Variants in SON observed in about 807,000 individuals in gnomAD.
The protein encoded by SON is protein SON.
A neutral mutation model predicts 173.3 loss-of-function variants in SON; 4 were observed. The ratio of observed to expected loss-of-function variants is 0.02; its 90% CI spans 0.01 to 0.05. SON has a LOEUF of 0.05. Ranked by LOEUF, SON falls within the 10% of genes least tolerant of loss-of-function variation. The pLI is 1.00. For missense variants in SON, 2,626 were observed against 3,055.3 expected, an observed-to-expected ratio of 0.86 and a Z score of 3.31; for synonymous variants, 1,190 against 1,105.9, an observed-to-expected ratio of 1.08 and a Z score of -1.51.
At position 33,559,478 on chromosome 21, in the gene SON, T is replaced by A; in HGVS notation, c.6468+102T>A. 6.8e-7 allele frequency: 1 copy of A among 1,474,606 alleles called. No individual in the cohort carries two copies. The highest frequency in any genetic ancestry group is 9.2e-7 in the Non-Finnish European group (1 of 1,091,878). The allele number at this position is 1,474,606 out of a possible 1,614,324, so 91.3% of individuals were successfully genotyped here. A position where few individuals can be genotyped will look rare whatever the true frequency, so the allele number is the denominator to read the frequency against. On this transcript the variant is annotated intron_variant, in intron 5 of 11. Transcript: ENST00000356577. The surrounding 1 kb of genome is among the most constrained non-coding windows in gnomAD (Gnocchi z 4.1). Reference sequence around the variant, plus strand: ...GTTTATTAATTTTTGTTTTAAATACTGTGAGAAATAATGGATAATATCATT... The same window carrying A: ...GTTTATTAATTTTTGTTTTAAATACAGTGAGAAATAATGGATAATATCATT...
At chr21:33,569,385 C>G (rs2145874084) in intron 8 of SON, 2 of 354,236 alleles carry the variant, frequency 5.6e-6, no homozygotes, top group Non-Finnish European at 1.1e-5. Context: ...AGGTGCTGTT[C>G]AGAATATTCC....
intron 1 of SON, among the ~76,000 whole-genome samples, chr21:33,543,754 G>A (rs181234151): frequency 1.3e-4 from 20 of 152,376 alleles, no homozygotes; most frequent in Admixed American, 1.2e-3. Context: ...AACTCAAACT[G>A]ATGCACTTGC....
At chr21:33,566,902 A>G (rs1020872218) in intron 6 of SON, among the ~76,000 whole-genome samples, 3 of 152,144 alleles carry the variant, frequency 2.0e-5, no homozygotes, top group Non-Finnish European at 4.4e-5. Flanking sequence ...TATATATATA[A>G]TAGAAAATTG....
intron 1 of SON, chr21:33,543,475 T>C: frequency 4.9e-6 from 2 of 411,446 alleles, no homozygotes; most frequent in Non-Finnish European, 9.0e-6. Context: ...TAGGCCCGGT[T>C]GTCCGCCAGG....
chr21:33,574,059 C>T (rs183960603), intron 9 of SON, among the ~76,000 whole-genome samples: 6 of 152,312 alleles, frequency 3.9e-5, no homozygotes, highest in Admixed American at 2.0e-4. Context: ...CTGGGCAGGG[C>T]AGCACTGTGT....
chr21:33,560,581 A>AATAT, intron 6 of SON: 4 of 837,880 alleles, frequency 4.8e-6, no homozygotes, highest in Non-Finnish European at 5.7e-6. Flanking sequence ...TATATATGTA[A>AATAT]ATATATATAT....
Position 33,553,108 on chromosome 21 carries a change from G to A in SON, c.3877G>A (p.Ala1293Thr). The A allele has an allele frequency of 6.2e-7, 1 of 1,614,194 alleles. No individual in the cohort carries two copies. The highest frequency in any genetic ancestry group is 8.5e-7 in the Non-Finnish European group (1 of 1,180,038). Residue 1293 changes from alanine (A) to threonine (T), a missense_variant, in exon 3 of 12, where the codon GCT becomes ACT. Coordinates refer to ENST00000356577, the MANE Select transcript of SON (RefSeq NM_138927.4). The stretch of plus-strand genomic sequence containing the variant: ...GGTATCTGAAACTCCCGCCATGTCA[G>A]CTGAACCAACTGTGTTAGCATCAGA... Reference protein sequence around the residue: ...CMVSETPAMSAEPTVLASEPP... With the variant: ...CMVSETPAMSTEPTVLASEPP...
rs577636230 is a variant in SON, at chr21:33,543,081, G to A, written c.-12G>A. 1.2e-6 allele frequency: 2 copies of A among 1,613,898 alleles called. No homozygotes were observed. Among genetic ancestry groups the A allele is most frequent in the South Asian group, 1.1e-5 (1 of 91,080 alleles). ...ACTAGCGAGGAGGAGTTGAGAGAAC[G>A]GAGCGGACGCCATGGCGACCAACAT... On this transcript the variant is annotated 5_prime_UTR_variant, in exon 1 of 12. Transcript: ENST00000356577.
chr21:33,563,753 G>A (rs1046304761), intron 6 of SON, among the ~76,000 whole-genome samples: 1 of 152,156 alleles, frequency 6.6e-6, no homozygotes, highest in African/African-American at 2.4e-5. Flanking sequence ...TCACTTAAAT[G>A]TATTAATATA....
chr21:33,546,185 A>G (rs1290993196), intron 1 of SON, 28 bp from the exon 2 acceptor site: 1 of 1,573,354 alleles, frequency 6.4e-7, no homozygotes, highest in South Asian at 1.2e-5. Flanking sequence ...TAAAATATTA[A>G]TGAATTTCGA....
chr21:33,546,152 G>T, intron 1 of SON, 61 bp from the exon 2 acceptor site: 2 of 1,413,580 alleles, frequency 1.4e-6, no homozygotes, highest in South Asian at 2.6e-5. Context: ...GTAATTAATT[G>T]GATTTTTTTA....
chr21:33,565,774 CAT>C (rs997447232), intron 6 of SON, among the ~76,000 whole-genome samples: 231 of 152,250 alleles, frequency 1.5e-3, no homozygotes, highest in African/African-American at 3.8e-3. Context: ...TATATATTAA[CAT>C]AAACAGTCTT....
At position 33,554,617 on chromosome 21, in the gene SON, G is replaced by C; in HGVS notation, c.5386G>C (p.Val1796Leu). ...EKDDYEIFVKVKDTHEKSKKN... is the reference protein window; with the variant it reads ...EKDDYEIFVKLKDTHEKSKKN... ...AGATGATTATGAAATTTTTGTAAAA[G>C]TTAAGGACACTCACGAAAAAAGCAA... Residue 1796 changes from valine to leucine, a missense_variant, in exon 3 of 12, where the codon GTT becomes CTT. Val to Leu is a conservative substitution (Grantham distance 32). Around this residue, in one of 13 missense-constraint regions of SON, gnomAD observed 1,006 missense variants for 895.6 expected, o/e 1.12. Transcript: ENST00000356577. 6.2e-7 allele frequency: 1 copy of C among 1,613,794 alleles called. No individual in the cohort carries two copies. The highest frequency in any genetic ancestry group is 8.5e-7 in the Non-Finnish European group (1 of 1,179,988).
intron 9 of SON, 64 bp from the exon 10 acceptor site, chr21:33,575,532 C>T: frequency 2.4e-6 from 3 of 1,243,294 alleles, no homozygotes; most frequent in Admixed American, 1.9e-5. Flanking sequence ...CAGACTCCTA[C>T]AGAGGGATCT....
At chr21:33,565,210 T>C (rs2086144838) in intron 6 of SON, among the ~76,000 whole-genome samples, 1 of 152,216 alleles carries the variant, frequency 6.6e-6, no homozygotes, top group Non-Finnish European at 1.5e-5. Context: ...CTAGAAGTTA[T>C]ATTTTAGAGC....
chr21:33,550,783 G>A lies in SON; in HGVS notation c.1552G>A (p.Gly518Arg). 6.2e-7 allele frequency: 1 copy of A among 1,614,222 alleles called. No homozygotes were observed. Among genetic ancestry groups the A allele is most frequent in the African/African-American group, 1.3e-5 (1 of 75,060 alleles). Residue 518 changes from glycine to arginine, a missense_variant, in exon 3 of 12, where the codon GGG becomes AGG. Around this residue, in one of 13 missense-constraint regions of SON, gnomAD observed 757 missense variants for 730.1 expected, o/e 1.04. Transcript: ENST00000356577. ...VTTTELEQPVGMTTVEHPGHP... is the reference protein window; with the variant it reads ...VTTTELEQPVRMTTVEHPGHP... Reference sequence around the variant, plus strand: ...GACGACAGAGTTGGAGCAGCCTGTGGGGATGACAACGGTGGAACATCCTGG... The same window carrying A: ...GACGACAGAGTTGGAGCAGCCTGTGAGGATGACAACGGTGGAACATCCTGG...
intron 2 of SON, among the ~76,000 whole-genome samples, chr21:33,548,066 T>C (rs960263009): frequency 2.6e-5 from 4 of 152,116 alleles, no homozygotes; most frequent in Non-Finnish European, 5.9e-5. Context: ...ATGAGCTTTT[T>C]TGGGGGTCCC....
chr21:33,559,936 T>C lies in SON; in HGVS notation c.6657+161T>C. 1 of 1,613,422 alleles carries C rather than the reference T, an allele frequency of 6.2e-7. No homozygotes were observed. Among genetic ancestry groups the C allele is most frequent in the Non-Finnish European group, 8.5e-7 (1 of 1,179,406 alleles). ...AGATGAAACAACCCGCAGCTTCTCA[T>C]TTGACAGTAACTCGATGCAATTCAC... On this transcript the variant is annotated intron_variant, in intron 6 of 11. Coordinates refer to ENST00000356577, the MANE Select transcript of SON (RefSeq NM_138927.4). The surrounding 1 kb of genome is among the most constrained non-coding windows in gnomAD (Gnocchi z 4.1).
intron 9 of SON, chr21:33,575,380 A>G (rs556887019): frequency 1.2e-4 from 52 of 425,316 alleles, no homozygotes; most frequent in African/African-American, 5.7e-4. Context: ...ATTTATTACA[A>G]TTTCTCATAC....
Sources: gnomAD v4.1 joint callset for allele counts (sites outside exome capture counted in the v4.1 genomes callset) on GRCh38, gnomAD v4.1.1 for gene constraint, gnomAD v4.1.1 regional missense constraint, Gnocchi (gnomAD v3.1) non-coding constraint, MANE v1.5 for transcripts, NCBI Gene and HGNC (gene_info 2026-07-23, HGNC 2026-07-21) for gene names.